Variants in CTNNA3 observed in about 807,000 individuals in gnomAD.
CTNNA3 encodes the protein catenin alpha-3.
In CTNNA3, 76 loss-of-function variants were observed where a neutral mutation model predicts 95.7. The observed-to-expected ratio is 0.79, with a 90% CI of 0.66 to 0.96. CTNNA3 has a LOEUF of 0.96. CTNNA3 is among the 40% of genes least tolerant of loss of function. The pLI is 0.00. For synonymous variants in CTNNA3, 431 were observed against 374.4 expected (o/e 1.15, Z -1.74); for missense variants, 1,191 against 1,089.8 (o/e 1.09, Z -1.31).
At chr10:66,033,820 T>A (rs182515322) in intron 15 of CTNNA3, among the ~76,000 whole-genome samples, 41 of 152,308 alleles carry the variant, frequency 2.7e-4, no homozygotes, top group African/African-American at 9.6e-4. Flanking sequence ...CATAGAGAGA[T>A]ATGTATTAGG....
intron 9 of CTNNA3, among the ~76,000 whole-genome samples, chr10:66,642,279 A>ACAAACAC (rs1554828894): frequency 7.8e-4 from 48 of 61,416 alleles, no homozygotes; most frequent in African/African-American, 2.5e-3. Context: ...CACACACACA[A>ACAAACAC]ACACACACAC....
intron 9 of CTNNA3, among the ~76,000 whole-genome samples, chr10:66,634,618 A>T (rs1436737392): frequency 7.2e-6 from 1 of 138,612 alleles, no homozygotes; most frequent in Non-Finnish European, 1.5e-5. Flanking sequence ...TCTGCAGCAG[A>T]TATAAGGTAA....
intron 14 of CTNNA3, among the ~76,000 whole-genome samples, chr10:66,087,938 A>T (rs543061324): frequency 2.0e-5 from 3 of 152,110 alleles, no homozygotes; most frequent in Admixed American, 6.6e-5. Context: ...TTCGTCTTAC[A>T]GTGGGCTTTA....
intron 12 of CTNNA3, among the ~76,000 whole-genome samples, chr10:66,298,247 T>C (rs1268432818): frequency 1.3e-5 from 2 of 152,184 alleles, no homozygotes; most frequent in South Asian, 2.1e-4. Context: ...AACTTTCATT[T>C]TGAACACATA....
intron 12 of CTNNA3, among the ~76,000 whole-genome samples, chr10:66,355,039 C>G (rs2092598241): frequency 2.0e-5 from 3 of 152,154 alleles, no homozygotes; most frequent in Admixed American, 6.5e-5. Flanking sequence ...TTCAGACAGG[C>G]CAGGCAGGAA....
intron 9 of CTNNA3, among the ~76,000 whole-genome samples, chr10:66,711,758 G>C (rs936156239): frequency 1.3e-5 from 2 of 151,760 alleles, no homozygotes; most frequent in African/African-American, 2.4e-5. Flanking sequence ...ACCATGTCTG[G>C]TCTCGAAATC....
intron 7 of CTNNA3, chr10:67,098,316 G>C (rs1238425827): frequency 6.5e-6 from 1 of 153,642 alleles, no homozygotes; most frequent in East Asian, 1.9e-4. Context: ...AAAATTCTGT[G>C]CTGTGCGAAA....
intron 15 of CTNNA3, among the ~76,000 whole-genome samples, chr10:66,036,019 T>G (rs74140926): frequency 1.3e-3 from 199 of 152,312 alleles, no homozygotes; most frequent in African/African-American, 4.5e-3. Flanking sequence ...ACCATATTTG[T>G]AACTTAGAAG....
chr10:67,036,359 T>C (rs1439358707), intron 7 of CTNNA3, among the ~76,000 whole-genome samples: 2 of 151,514 alleles, frequency 1.3e-5, no homozygotes, highest in African/African-American at 4.8e-5. Flanking sequence ...AATCTCTCCC[T>C]TCAGTTTCAA....
chr10:66,236,146 A>G (rs1309016034), intron 13 of CTNNA3, among the ~76,000 whole-genome samples: 2 of 152,208 alleles, frequency 1.3e-5, no homozygotes, highest in African/African-American at 4.8e-5. Flanking sequence ...GAATGGAAAA[A>G]CAAAGGAACA....
At chr10:66,637,547 C>A (rs1264937605) in intron 9 of CTNNA3, among the ~76,000 whole-genome samples, 1 of 152,350 alleles carries the variant, frequency 6.6e-6, no homozygotes, top group Non-Finnish European at 1.5e-5. Context: ...CCTTTCAAAC[C>A]GTTGTCAGGC....
chr10:66,631,984 T>G (rs190438847), intron 9 of CTNNA3, among the ~76,000 whole-genome samples: 1,509 of 150,782 alleles, frequency 0.01, 16 homozygotes, highest in Non-Finnish European at 0.015. Context: ...CTAAATATTA[T>G]AAATTTCATA....
intron 5 of CTNNA3, among the ~76,000 whole-genome samples, chr10:67,331,282 T>G (rs1259091493): frequency 6.6e-6 from 1 of 152,140 alleles, no homozygotes; most frequent in Non-Finnish European, 1.5e-5. Context: ...TTACTTCAAC[T>G]GCCAAAGTCC....
intron 7 of CTNNA3, among the ~76,000 whole-genome samples, chr10:67,092,091 G>A (rs1053763870): frequency 3.3e-5 from 5 of 151,812 alleles, no homozygotes; most frequent in African/African-American, 1.2e-4. Flanking sequence ...TAGTGACAAG[G>A]ACTACATCTA....
intron 17 of CTNNA3, among the ~76,000 whole-genome samples, chr10:65,933,767 GCAGACACTATTTGCCCATTTT>G (rs2077291161): frequency 6.6e-6 from 1 of 152,028 alleles, no homozygotes; most frequent in African/African-American, 2.4e-5. Context: ...GTCTTCTGTG[GCAGACACTATTTGCCCATTTT>G]TCCTTGATAA....
intron 14 of CTNNA3, among the ~76,000 whole-genome samples, chr10:66,101,338 C>A (rs912988714): frequency 1.3e-5 from 2 of 152,068 alleles, no homozygotes; most frequent in Non-Finnish European, 2.9e-5. Flanking sequence ...AATATATTAC[C>A]AAATACTATC....
chr10:67,396,912 T>A (rs577205887), intron 5 of CTNNA3, among the ~76,000 whole-genome samples: 2 of 152,290 alleles, frequency 1.3e-5, no homozygotes, highest in East Asian at 1.9e-4. Context: ...TGGCACCATA[T>A]GTTTGCTTCC....
chr10:66,221,938 G>A (rs752806745), intron 13 of CTNNA3, among the ~76,000 whole-genome samples: 1 of 152,140 alleles, frequency 6.6e-6, no homozygotes, highest in Non-Finnish European at 1.5e-5. Context: ...TGCCTTAAGG[G>A]AGATAGAAGG....
chr10:67,236,219 T>A lies in CTNNA3; in HGVS notation c.580-16349A>T, dbSNP rs1418986311. On this transcript the variant is annotated intron_variant, in intron 5 of 17. Coordinates refer to ENST00000433211, the MANE Select transcript of CTNNA3 (RefSeq NM_013266.4). ...ATAAAGACACATGCACAGGTATGTT[T>A]ATTGCGGCATTATTCACAATAGCAA... 1.1e-4 allele frequency among the ~76,000 whole-genome samples: 17 copies of A among 150,872 alleles called. 1 individual carries two copies. The East Asian group carries it at 2.4e-3, about 21-fold the overall frequency.
Sources: gnomAD v4.1 joint callset for allele counts (sites outside exome capture counted in the v4.1 genomes callset) on GRCh38, gnomAD v4.1.1 for gene constraint, MANE v1.5 for transcripts, NCBI Gene and HGNC (gene_info 2026-07-23, HGNC 2026-07-21) for gene names.